TAFA2: variants seen among roughly 807,000 people sequenced by gnomAD.
TAFA2 encodes TAFA chemokine like family member 2.
TAFA2 carries 7 observed loss-of-function variants against 18.8 expected under a neutral mutation model. That is an observed-to-expected ratio of 0.37 (90% CI 0.21 to 0.70). TAFA2 has a LOEUF of 0.70. Ranked by LOEUF, TAFA2 falls within the 30% of genes least tolerant of loss-of-function variation. The pLI, the probability that TAFA2 is intolerant of heterozygous loss-of-function variation, is 0.53. For synonymous variants in TAFA2, 60 were observed against 54.2 expected (o/e 1.11, Z -0.47); for missense variants, 122 against 158.1 (o/e 0.77, Z 1.23).
chr12:62,141,906 A>G (rs547999586), intron 1 of TAFA2, among the ~76,000 whole-genome samples: 40 of 152,318 alleles, frequency 2.6e-4, no homozygotes, highest in African/African-American at 9.4e-4. Flanking sequence ...GAAAACCACA[A>G]ACAAAATCTT....
Position 61,710,278 on chromosome 12 carries a change from G to A in TAFA2, c.*128C>T. 1 of 804,838 alleles carries A rather than the reference G, an allele frequency of 1.2e-6. No homozygotes were observed. Among genetic ancestry groups the A allele is most frequent in the Non-Finnish European group, 2.1e-6 (1 of 477,902 alleles). The allele number at this position is 804,838 out of a possible 1,614,324, so 49.9% of individuals were successfully genotyped here. ...TCAAGAAGAGGCCATGAAATCCCTT[G>A]GAAATAGACTATTGAGCGCCTCTTT... On this transcript the variant is annotated 3_prime_UTR_variant, in exon 5 of 5. Transcript: ENST00000416284.
At chr12:61,973,049 A>G (rs542357177) in intron 1 of TAFA2, among the ~76,000 whole-genome samples, 2 of 151,848 alleles carry the variant, frequency 1.3e-5, no homozygotes, top group East Asian at 3.9e-4. Flanking sequence ...CCTGTGAATT[A>G]TACAAAAGAA....
rs770236789 is a variant in TAFA2, at chr12:61,727,480, C to T, written c.385-17063G>A. 5.1e-4 allele frequency among the ~76,000 whole-genome samples: 77 copies of T among 151,722 alleles called. 1 individual carries two copies. The highest frequency in any genetic ancestry group is 2.0e-3 in the Admixed American group (31 of 15,212). ...ATATTTCCATGAATTTATCTATCTC[C>T]TCTAGGTCTTCTAGTTTCTGTGCAT... On this transcript the variant is annotated intron_variant, in intron 4 of 4. Coordinates refer to ENST00000416284, the MANE Select transcript of TAFA2 (RefSeq NM_178539.5).
At chr12:61,986,496 G>A (rs1010244889) in intron 1 of TAFA2, among the ~76,000 whole-genome samples, 2 of 151,526 alleles carry the variant, frequency 1.3e-5, no homozygotes, top group Non-Finnish European at 2.9e-5. Context: ...ATGGGATTTC[G>A]CTATGTTGGC....
chr12:61,872,232 G>A (rs1224614013), intron 1 of TAFA2, among the ~76,000 whole-genome samples: 1 of 152,098 alleles, frequency 6.6e-6, no homozygotes, highest in Admixed American at 6.5e-5. Flanking sequence ...TAAAAGTGGA[G>A]GCTTAGAATC....
chr12:61,744,619 A>G (rs776825734), intron 4 of TAFA2, among the ~76,000 whole-genome samples: 29 of 152,060 alleles, frequency 1.9e-4, no homozygotes, highest in Non-Finnish European at 3.7e-4. Flanking sequence ...CAGTGGCACA[A>G]TCATGGCTTA....
At chr12:62,193,952 A>G (rs145633047), upstream of TAFA2, among the ~76,000 whole-genome samples, 413 of 152,310 alleles carry the variant, frequency 2.7e-3, 2 homozygotes, top group Admixed American at 4.9e-3. Flanking sequence ...AAAGCACCAA[A>G]ACTAAACAAG....
intron 1 of TAFA2, among the ~76,000 whole-genome samples, chr12:61,910,100 TTGTGTGTGTGTGTGTGTGTG>T (rs71083963): frequency 6.9e-6 from 1 of 144,802 alleles, no homozygotes; most frequent in Non-Finnish European, 1.5e-5. Flanking sequence ...GTGTGTGTGT[TTGTGTGTGTGTGTGTGTGTG>T]TGTGTGTGTG....
chr12:62,133,428 G>T (rs1241985741), intron 1 of TAFA2, among the ~76,000 whole-genome samples: 2 of 151,688 alleles, frequency 1.3e-5, no homozygotes, highest in African/African-American at 4.8e-5. Flanking sequence ...TTTCCTTTTG[G>T]ATAATGTAGA....
chr12:61,782,773 A>C (rs1870560506), intron 2 of TAFA2, among the ~76,000 whole-genome samples: 1 of 151,744 alleles, frequency 6.6e-6, no homozygotes, highest in Admixed American at 6.6e-5. Context: ...GTTCCTTTCT[A>C]ATTCAGGCAC....
chr12:62,253,492 G>C (rs1019679101), intron 1 of TAFA2: 1 of 152,140 alleles, frequency 6.6e-6, no homozygotes, highest in Admixed American at 6.6e-5. Context: ...AATTCTTACT[G>C]TGCTAAAAAT....
At chr12:61,796,134 G>C (rs1871179217) in intron 2 of TAFA2, among the ~76,000 whole-genome samples, 1 of 152,026 alleles carries the variant, frequency 6.6e-6, no homozygotes, top group Non-Finnish European at 1.5e-5. Flanking sequence ...TCTCCTCCTA[G>C]CAATTTTCCC....
intron 2 of TAFA2, among the ~76,000 whole-genome samples, chr12:61,814,987 C>T (rs185393405): frequency 6.6e-6 from 1 of 151,506 alleles, no homozygotes; most frequent in Non-Finnish European, 1.5e-5. Flanking sequence ...GAATCTCTGA[C>T]CTTCAGAAAT....
At chr12:62,143,603 C>T (rs564122557) in intron 1 of TAFA2, among the ~76,000 whole-genome samples, 1 of 152,120 alleles carries the variant, frequency 6.6e-6, no homozygotes, top group African/African-American at 2.4e-5. Flanking sequence ...GCTGGCTAGA[C>T]CAATACAGCC....
At chr12:62,225,834 A>G (rs938089161) in intron 1 of TAFA2, among the ~76,000 whole-genome samples, 8 of 152,232 alleles carry the variant, frequency 5.3e-5, no homozygotes, top group Non-Finnish European at 1.2e-4. Flanking sequence ...TCTTGGCAAA[A>G]GCATAGAGAA....
At chr12:62,032,530 T>C (rs1881486442) in intron 1 of TAFA2, among the ~76,000 whole-genome samples, 1 of 152,176 alleles carries the variant, frequency 6.6e-6, no homozygotes, top group South Asian at 2.1e-4. Flanking sequence ...CTCAGACTAG[T>C]ATGAAGTGTT....
chr12:61,948,478 T>A (rs949412152), intron 1 of TAFA2, among the ~76,000 whole-genome samples: 3 of 152,102 alleles, frequency 2.0e-5, no homozygotes, highest in Non-Finnish European at 4.4e-5. Context: ...CAAGAGATGT[T>A]GGAAATAAGG....
chr12:61,762,633 T>TATATATA (rs1555162980), intron 2 of TAFA2, among the ~76,000 whole-genome samples: 10,351 of 147,456 alleles, frequency 0.07, 557 homozygotes, highest in East Asian at 0.18. Context: ...ATTTCATTTT[T>TATATATA]TATATATATA....
intron 1 of TAFA2, among the ~76,000 whole-genome samples, chr12:62,127,839 A>C (rs1870527195): frequency 6.6e-6 from 1 of 152,098 alleles, no homozygotes; most frequent in Admixed American, 6.6e-5. Context: ...TACTGCTGTA[A>C]AAATGGAAAG....
Sources: gnomAD v4.1 joint callset for allele counts (sites outside exome capture counted in the v4.1 genomes callset) on GRCh38, gnomAD v4.1.1 for gene constraint, MANE v1.5 for transcripts, NCBI Gene and HGNC (gene_info 2026-07-23, HGNC 2026-07-21) for gene names.